Variants in DPP10 observed in about 807,000 individuals in gnomAD.
DPP10 encodes the protein dipeptidyl peptidase like 10, also known as inactive dipeptidyl peptidase 10.
A neutral mutation model predicts 120.9 loss-of-function variants in DPP10; 33 were observed. The observed-to-expected ratio is 0.27, with a 90% CI of 0.21 to 0.37. The LOEUF (loss-of-function observed/expected upper bound fraction) is 0.37, where lower values mean the gene tolerates loss of function less well. Ranked by LOEUF, DPP10 falls within the 10% of genes least tolerant of loss-of-function variation. The pLI is 1.00. For missense variants in DPP10, 816 were observed against 942.8 expected (o/e 0.87, Z 1.76); for synonymous variants, 337 against 326.1 (o/e 1.03, Z -0.36).
At chr2:114,922,269 A>C (rs1447275395) in intron 1 of DPP10, among the ~76,000 whole-genome samples, 8 of 152,180 alleles carry the variant, frequency 5.3e-5, no homozygotes, top group Admixed American at 5.2e-4. Flanking sequence ...CAGTTTATGC[A>C]ACCACTAATC....
chr2:114,916,311 CT>C, intron 1 of DPP10, among the ~76,000 whole-genome samples: 1 of 152,140 alleles, frequency 6.6e-6, no homozygotes, highest in Non-Finnish European at 1.5e-5. Flanking sequence ...CAAGAATGAG[CT>C]CCAAAATGGA....
At chr2:115,428,327 AC>A (rs1386502196) in intron 3 of DPP10, among the ~76,000 whole-genome samples, 2 of 152,118 alleles carry the variant, frequency 1.3e-5, no homozygotes, top group Admixed American at 1.3e-4. Context: ...ATGCCTTGGT[AC>A]CAATTTTCTG....
intron 7 of DPP10, among the ~76,000 whole-genome samples, chr2:115,726,412 T>A (rs917211808): frequency 6.6e-6 from 1 of 152,112 alleles, no homozygotes; most frequent in Non-Finnish European, 1.5e-5. Context: ...CATTTACTCT[T>A]CACCACAGAT....
intron 1 of DPP10, among the ~76,000 whole-genome samples, chr2:115,082,753 T>A (rs4849377): frequency 3.3e-5 from 5 of 152,128 alleles, no homozygotes; most frequent in African/African-American, 1.2e-4. Flanking sequence ...GAGCAATCTC[T>A]CTTTAGATCA....
At chr2:115,382,357 A>G (rs2066456344) in intron 3 of DPP10, among the ~76,000 whole-genome samples, 1 of 152,114 alleles carries the variant, frequency 6.6e-6, no homozygotes, top group African/African-American at 2.4e-5. Flanking sequence ...TTGACTAGGA[A>G]AGGGAACTCC....
chr2:115,011,131 T>C (rs1159839365), intron 1 of DPP10, among the ~76,000 whole-genome samples: 2 of 152,220 alleles, frequency 1.3e-5, no homozygotes, highest in Non-Finnish European at 2.9e-5. Context: ...CGTATTGTGG[T>C]CAAAGAACAT....
intron 1 of DPP10, among the ~76,000 whole-genome samples, chr2:114,481,151 G>T (rs1281068748): frequency 6.6e-6 from 1 of 151,804 alleles, no homozygotes; most frequent in African/African-American, 2.4e-5. Context: ...TAAAAAAAAA[G>T]TAGTAGAAGT....
chr2:115,499,257 T>C (rs1003113555), intron 3 of DPP10, among the ~76,000 whole-genome samples: 3 of 152,094 alleles, frequency 2.0e-5, no homozygotes, highest in African/African-American at 7.2e-5. Flanking sequence ...TTTTAATTAA[T>C]TTTCATTTGT....
intron 1 of DPP10, among the ~76,000 whole-genome samples, chr2:114,662,818 C>T (rs2105562419): frequency 6.6e-6 from 1 of 152,184 alleles, no homozygotes; most frequent in East Asian, 1.9e-4. Flanking sequence ...AGGCAGGCCA[C>T]GATTTGAGGG....
intron 1 of DPP10, among the ~76,000 whole-genome samples, chr2:114,607,740 T>A (rs1392717513): frequency 2.9e-4 from 44 of 152,182 alleles, no homozygotes; most frequent in Admixed American, 2.9e-3. Context: ...GTTCTCTGCA[T>A]CTTACTGAGA....
chr2:115,592,670 C>T (rs1360617904), intron 5 of DPP10, among the ~76,000 whole-genome samples: 2 of 151,988 alleles, frequency 1.3e-5, no homozygotes, highest in African/African-American at 4.8e-5. Context: ...GCCAGAGAAT[C>T]GCTTGAACCC....
At chr2:115,216,503 G>T (rs924993070) in intron 1 of DPP10, among the ~76,000 whole-genome samples, 3 of 152,142 alleles carry the variant, frequency 2.0e-5, no homozygotes, top group Non-Finnish European at 4.4e-5. Context: ...CTAAGTCAAG[G>T]CTGGGTGCAG....
chr2:115,790,246 A>AT (rs1294792283), intron 17 of DPP10, among the ~76,000 whole-genome samples: 1 of 151,266 alleles, frequency 6.6e-6, no homozygotes, highest in African/African-American at 2.4e-5. Context: ...CGCCCGGCTA[A>AT]TTTTTTGTAT....
intron 1 of DPP10, among the ~76,000 whole-genome samples, chr2:114,647,290 G>A (rs897745812): frequency 6.6e-6 from 1 of 152,080 alleles, no homozygotes; most frequent in Non-Finnish European, 1.5e-5. Flanking sequence ...CTGTCTCCTG[G>A]GGTGAGCAAA....
intron 5 of DPP10, among the ~76,000 whole-genome samples, chr2:115,628,523 T>C (rs1450967863): frequency 6.6e-6 from 1 of 152,182 alleles, no homozygotes; most frequent in African/African-American, 2.4e-5. Flanking sequence ...TTAGTTTAAT[T>C]AGATCCCATT....
At chr2:115,109,664 C>T (rs2049119539) in intron 1 of DPP10, among the ~76,000 whole-genome samples, 1 of 152,150 alleles carries the variant, frequency 6.6e-6, no homozygotes, top group African/African-American at 2.4e-5. Context: ...TAACACAGCT[C>T]AAGGAAATAT....
intron 1 of DPP10, among the ~76,000 whole-genome samples, chr2:114,541,996 A>G (rs763714694): frequency 3.3e-5 from 5 of 150,498 alleles, no homozygotes; most frequent in African/African-American, 4.9e-5. Flanking sequence ...TTTTTAAAAA[A>G]CCAGTTTCTG....
intron 1 of DPP10, among the ~76,000 whole-genome samples, chr2:114,451,508 G>A (rs902728936): frequency 2.0e-5 from 3 of 152,140 alleles, no homozygotes; most frequent in Non-Finnish European, 4.4e-5. Context: ...CTCTACATAG[G>A]AGTTAGATTG....
chr2:115,006,716 A>G (rs1701872637), intron 1 of DPP10, among the ~76,000 whole-genome samples: 1 of 151,962 alleles, frequency 6.6e-6, no homozygotes, highest in Non-Finnish European at 1.5e-5. Flanking sequence ...AGATTCATAA[A>G]GCAAGTCCTG....
Sources: gnomAD v4.1 joint callset for allele counts (sites outside exome capture counted in the v4.1 genomes callset) on GRCh38, gnomAD v4.1.1 for gene constraint, MANE v1.5 for transcripts, NCBI Gene and HGNC (gene_info 2026-07-23, HGNC 2026-07-21) for gene names.